The following HTR1F variants were observed in gnomAD, a reference collection of about 807,000 sequenced individuals.
HTR1F encodes 5-hydroxytryptamine receptor 1F.
In HTR1F, 17 loss-of-function variants were observed where a neutral mutation model predicts 24.0. The observed-to-expected ratio is 0.71, with a 90% confidence interval of 0.48 to 1.06. HTR1F has a LOEUF of 1.06. Ranked by LOEUF, HTR1F falls within the 50% of genes least tolerant of loss-of-function variation. The probability of loss-of-function intolerance (pLI) is 0.00; values close to 1 mark genes in which losing one functional copy is unlikely to be tolerated. For synonymous variants in HTR1F, 186 were observed against 156.8 expected (o/e 1.19, Z -1.39); for missense variants, 391 against 427.8 (o/e 0.91, Z 0.76).
intron 2 of HTR1F, among the ~76,000 whole-genome samples, chr3:87,890,716 G>A (rs1414013935): frequency 1.3e-5 from 2 of 151,858 alleles, no homozygotes; most frequent in Non-Finnish European, 2.9e-5. Flanking sequence ...GGATGAGAAA[G>A]GCAAGTCTTG....
chr3:87,953,749 A>T (rs1489900320), intron 2 of HTR1F, among the ~76,000 whole-genome samples: 1 of 151,790 alleles, frequency 6.6e-6, no homozygotes, highest in Non-Finnish European at 1.5e-5. Context: ...GATTAATGCA[A>T]CGCTATTCAC....
chr3:87,841,133 G>A (rs1053597039), intron 2 of HTR1F, among the ~76,000 whole-genome samples: 14 of 151,680 alleles, frequency 9.2e-5, no homozygotes, highest in African/African-American at 2.7e-4. Context: ...CTTATTAGCC[G>A]GATTTAATCA....
At chr3:87,839,768 A>C (rs531655587) in intron 2 of HTR1F, among the ~76,000 whole-genome samples, 1 of 151,988 alleles carries the variant, frequency 6.6e-6, no homozygotes, top group Non-Finnish European at 1.5e-5. Flanking sequence ...ACTCTCCCCC[A>C]TCTTGTATTC....
intron 1 of HTR1F, among the ~76,000 whole-genome samples, chr3:87,806,595 T>A (rs1704078148): frequency 6.6e-6 from 1 of 152,070 alleles, no homozygotes; most frequent in Non-Finnish European, 1.5e-5. Flanking sequence ...TTTTCTCCTA[T>A]TCAACAGGTT....
At chr3:87,938,566 G>A (rs1337003140) in intron 2 of HTR1F, among the ~76,000 whole-genome samples, 1 of 152,108 alleles carries the variant, frequency 6.6e-6, no homozygotes, top group Non-Finnish European at 1.5e-5. Flanking sequence ...AATTAAAATA[G>A]CATGGTACTG....
At chr3:87,904,089 G>A (rs951136412) in intron 2 of HTR1F, among the ~76,000 whole-genome samples, 7 of 152,008 alleles carry the variant, frequency 4.6e-5, no homozygotes, top group African/African-American at 1.4e-4. Flanking sequence ...CACAAAAAAG[G>A]ATAGGCAGTA....
At chr3:87,823,280 C>T (rs1704395754) in intron 2 of HTR1F, among the ~76,000 whole-genome samples, 2 of 152,010 alleles carry the variant, frequency 1.3e-5, no homozygotes, top group South Asian at 2.1e-4. Context: ...CAATGGTACC[C>T]ATTCTCCTTA....
intron 2 of HTR1F, among the ~76,000 whole-genome samples, chr3:87,897,520 T>A (rs2130350): frequency 6.6e-6 from 1 of 152,146 alleles, no homozygotes; most frequent in Admixed American, 6.6e-5. Context: ...ATGGATATAG[T>A]GATCCATGAA....
intron 2 of HTR1F, among the ~76,000 whole-genome samples, chr3:87,861,212 AT>A: frequency 6.6e-6 from 1 of 152,272 alleles, no homozygotes; most frequent in African/African-American, 2.4e-5. Flanking sequence ...CTAAGAAAGT[AT>A]GCAATTTTGG....
chr3:87,961,661 T>A (rs1232277043), intron 2 of HTR1F, among the ~76,000 whole-genome samples: 1 of 152,080 alleles, frequency 6.6e-6, no homozygotes, highest in African/African-American at 2.4e-5. Flanking sequence ...GTATTACATG[T>A]GAACACAGTA....
chr3:87,942,739 CT>C (rs1553680480), intron 2 of HTR1F, among the ~76,000 whole-genome samples: 514 of 144,286 alleles, frequency 3.6e-3, no homozygotes, highest in Middle Eastern at 3.6e-3. Flanking sequence ...AAGCGGTGGC[CT>C]TTTTTTTTTT....
At chr3:87,967,978 A>C (rs1349399331) in intron 2 of HTR1F, among the ~76,000 whole-genome samples, 5 of 152,228 alleles carry the variant, frequency 3.3e-5, no homozygotes, top group Non-Finnish European at 5.9e-5. Context: ...GATGTGGGAA[A>C]GTTTGGAACT....
chr3:87,913,712 T>C (rs1207920118), intron 2 of HTR1F, among the ~76,000 whole-genome samples: 1 of 151,988 alleles, frequency 6.6e-6, no homozygotes, highest in Admixed American at 6.6e-5. Context: ...TTGGGTAAAA[T>C]AAATGTGGTA....
chr3:87,921,665 C>T (rs1004864023), intron 2 of HTR1F, among the ~76,000 whole-genome samples: 3 of 151,848 alleles, frequency 2.0e-5, no homozygotes, highest in Non-Finnish European at 2.9e-5. Flanking sequence ...ATATAGAACA[C>T]TAGAATCCTA....
At chr3:87,807,249 T>C (rs1357716038) in intron 1 of HTR1F, among the ~76,000 whole-genome samples, 2 of 152,066 alleles carry the variant, frequency 1.3e-5, no homozygotes, top group East Asian at 3.9e-4. Flanking sequence ...TTAACTCTAC[T>C]GATCCATGAG....
At chr3:87,988,311 A>T (rs1396143075) in intron 2 of HTR1F, among the ~76,000 whole-genome samples, 4 of 81,554 alleles carry the variant, frequency 4.9e-5, no homozygotes, top group Admixed American at 3.6e-4. Context: ...ATGTTGACAT[A>T]AAAAAAAAAA....
At chr3:87,806,412 T>C (rs1435654193) in intron 1 of HTR1F, among the ~76,000 whole-genome samples, 1 of 152,092 alleles carries the variant, frequency 6.6e-6, no homozygotes, top group East Asian at 1.9e-4. Flanking sequence ...ATTTTTTGTC[T>C]TTTTAAAAAT....
intron 2 of HTR1F, among the ~76,000 whole-genome samples, chr3:87,977,375 C>A (rs1457298544): frequency 2.0e-5 from 3 of 147,588 alleles, no homozygotes; most frequent in Non-Finnish European, 3.0e-5. Context: ...TTTCCCTCTA[C>A]AGATAATGAA....
At chr3:87,825,239 A>G (rs1296779733) in intron 2 of HTR1F, among the ~76,000 whole-genome samples, 1 of 152,186 alleles carries the variant, frequency 6.6e-6, no homozygotes, top group Non-Finnish European at 1.5e-5. Context: ...TGTGTATGAT[A>G]TATTTAAATG....
Sources: allele counts gnomAD v4.1 joint callset (sites outside exome capture counted in the v4.1 genomes callset), GRCh38; gene constraint gnomAD v4.1.1; transcripts MANE v1.5; gene names NCBI Gene and HGNC (gene_info 2026-07-23, HGNC 2026-07-21).